Variants in SH3BGRL observed in about 807,000 individuals in gnomAD.
SH3BGRL encodes SH3 domain binding glutamate rich protein like, also known as adapter SH3BGRL.
SH3BGRL carries 7 observed loss-of-function variants against 9.8 expected under a neutral mutation model. The observed-to-expected ratio is 0.72, with a 90% CI of 0.41 to 1.35. The LOEUF (loss-of-function observed/expected upper bound fraction) is 1.35. Ranked by LOEUF, SH3BGRL falls within the 40% of genes most tolerant of loss-of-function variation. SH3BGRL has a pLI of 0.01. For missense variants in SH3BGRL, 73 were observed against 84.4 expected (o/e 0.86, Z 0.53); for synonymous variants, 36 against 29.1 (o/e 1.24, Z -0.76).
At chrX:81,287,104 C>T (rs2075837377) in intron 3 of SH3BGRL, among the ~76,000 whole-genome samples, 1 of 111,329 alleles carries the variant, frequency 9.0e-6, no homozygotes, top group Non-Finnish European at 1.9e-5. Flanking sequence ...GGGAAATAAA[C>T]TTCTTTCCCT....
intron 1 of SH3BGRL, among the ~76,000 whole-genome samples, chrX:81,220,644 T>C (rs1182443960): frequency 9.0e-6 from 1 of 110,656 alleles, no homozygotes; most frequent in African/African-American, 3.3e-5. Flanking sequence ...TATTTATTTA[T>C]TTTCTTCTAA....
chrX:81,243,411 G>A (rs1311201721), intron 1 of SH3BGRL, among the ~76,000 whole-genome samples: 2 of 111,830 alleles, frequency 1.8e-5, no homozygotes, highest in East Asian at 2.8e-4. Flanking sequence ...GGGGTCGGGA[G>A]GAGATTGGAA....
intron 1 of SH3BGRL, among the ~76,000 whole-genome samples, chrX:81,271,634 A>T (rs2075780068): frequency 1.8e-5 from 2 of 111,459 alleles, no homozygotes. Context: ...TGTACCTGAA[A>T]GTGATGGGGA....
At chrX:81,275,086 A>G (rs2075794364) in intron 1 of SH3BGRL, among the ~76,000 whole-genome samples, 1 of 111,408 alleles carries the variant, frequency 9.0e-6, no homozygotes. Flanking sequence ...ATTTTAACTT[A>G]GCACAGTGAG....
At chrX:81,256,409 T>A (rs971819687) in intron 1 of SH3BGRL, among the ~76,000 whole-genome samples, 2 of 112,305 alleles carry the variant, frequency 1.8e-5, no homozygotes, top group Non-Finnish European at 3.8e-5. Context: ...TATTAGATTC[T>A]CTTACTTTAG....
At chrX:81,219,380 ACTG>A (rs1312769895) in intron 1 of SH3BGRL, among the ~76,000 whole-genome samples, 1 of 110,852 alleles carries the variant, frequency 9.0e-6, no homozygotes, top group Non-Finnish European at 1.9e-5. Context: ...GTTTGTGACT[ACTG>A]TGAATGGGAT....
intron 3 of SH3BGRL, among the ~76,000 whole-genome samples, chrX:81,286,991 T>C (rs928249878): frequency 1.3e-4 from 14 of 111,762 alleles, no homozygotes; most frequent in Admixed American, 1.9e-4. Flanking sequence ...AGATGAATTT[T>C]GTTCTGGATT....
chrX:81,276,204 CT>C (rs772861695), intron 1 of SH3BGRL, among the ~76,000 whole-genome samples: 5 of 109,987 alleles, frequency 4.5e-5, no homozygotes, highest in Non-Finnish European at 7.6e-5. Context: ...ATTAATTTTA[CT>C]GTTTTCAAAG....
chrX:81,230,925 T>G (rs1602601699), intron 1 of SH3BGRL, among the ~76,000 whole-genome samples: 1 of 111,792 alleles, frequency 8.9e-6, no homozygotes, highest in Non-Finnish European at 1.9e-5. Context: ...AATCTTAGAT[T>G]TCTTCTGTAG....
intron 1 of SH3BGRL, among the ~76,000 whole-genome samples, chrX:81,266,735 C>A (rs1602618827): frequency 1.8e-5 from 2 of 112,107 alleles, no homozygotes; most frequent in South Asian, 3.7e-4. Flanking sequence ...TTTCCCAATT[C>A]TTTGAAGAAA....
chrX:81,211,519 G>A (rs779577117), intron 1 of SH3BGRL, among the ~76,000 whole-genome samples: 34 of 110,512 alleles, frequency 3.1e-4, no homozygotes, highest in Admixed American at 2.7e-3. Flanking sequence ...CCCGGGAGGC[G>A]GAGCTTGCAG....
intron 1 of SH3BGRL, among the ~76,000 whole-genome samples, chrX:81,243,720 A>T (rs2075679300): frequency 1.8e-5 from 2 of 111,381 alleles, no homozygotes; most frequent in African/African-American, 6.5e-5. Context: ...AAATTAAAAA[A>T]AAATAAGTAA....
intron 1 of SH3BGRL, among the ~76,000 whole-genome samples, chrX:81,211,382 A>G (rs539245072): frequency 4.9e-4 from 55 of 111,556 alleles, no homozygotes; most frequent in Middle Eastern, 4.6e-3. Context: ...TCAGGAGATC[A>G]AGACCATCCT....
At chrX:81,249,621 T>C (rs1323774113) in intron 1 of SH3BGRL, among the ~76,000 whole-genome samples, 1 of 112,277 alleles carries the variant, frequency 8.9e-6, no homozygotes, top group Non-Finnish European at 1.9e-5. Flanking sequence ...TTTCCCTTTT[T>C]ATGTAGTATT....
At chrX:81,267,345 G>T (rs76673170) in intron 1 of SH3BGRL, among the ~76,000 whole-genome samples, 1 of 111,727 alleles carries the variant, frequency 9.0e-6, no homozygotes, top group Admixed American at 9.5e-5. Context: ...CTGTGGGTTT[G>T]TCCTAAATAG....
intron 1 of SH3BGRL, among the ~76,000 whole-genome samples, chrX:81,253,011 C>A (rs1416975203): frequency 8.9e-6 from 1 of 111,931 alleles, no homozygotes; most frequent in African/African-American, 3.2e-5. Context: ...ATGTTATTTT[C>A]TTTTTTCAAC....
At chrX:81,283,026 G>A (rs1196899359) in intron 3 of SH3BGRL, among the ~76,000 whole-genome samples, 1 of 111,716 alleles carries the variant, frequency 9.0e-6, no homozygotes, top group Non-Finnish European at 1.9e-5. Flanking sequence ...GATCATTCAA[G>A]GCTAATATGA....
intron 1 of SH3BGRL, among the ~76,000 whole-genome samples, chrX:81,261,944 T>A (rs1420349775): frequency 3.6e-5 from 4 of 111,549 alleles, no homozygotes; most frequent in Non-Finnish European, 7.6e-5. Flanking sequence ...GGAGAACCCA[T>A]CAATTTAATT....
intron 1 of SH3BGRL, among the ~76,000 whole-genome samples, chrX:81,211,377 A>G (rs1172065517): frequency 9.0e-6 from 1 of 111,547 alleles, no homozygotes; most frequent in Non-Finnish European, 1.9e-5. Flanking sequence ...CGAGGTCAGG[A>G]GATCAAGACC....
Sources: gnomAD v4.1 joint callset for allele counts (sites outside exome capture counted in the v4.1 genomes callset) on GRCh38, gnomAD v4.1.1 for gene constraint, MANE v1.5 for transcripts, NCBI Gene and HGNC (gene_info 2026-07-23, HGNC 2026-07-21) for gene names.